CNTN5: variants seen among roughly 807,000 people sequenced by gnomAD.
CNTN5 encodes the protein contactin-5.
CNTN5 carries 77 observed loss-of-function variants against 129.1 expected under a neutral mutation model. The ratio of observed to expected loss-of-function variants is 0.60; its 90% confidence interval spans 0.50 to 0.72. The LOEUF (loss-of-function observed/expected upper bound fraction) is 0.72. Ranked by LOEUF, CNTN5 falls within the 30% of genes least tolerant of loss-of-function variation. The probability of loss-of-function intolerance (pLI) is 0.00; values close to 1 mark genes in which losing one functional copy is unlikely to be tolerated. For missense variants in CNTN5, 1,478 were observed against 1,328.8 expected (o/e 1.11, Z -1.75); for synonymous variants, 509 against 465.6 (o/e 1.09, Z -1.20).
chr11:99,544,430 A>C (rs567144938), intron 2 of CNTN5, among the ~76,000 whole-genome samples: 1 of 152,208 alleles, frequency 6.6e-6, no homozygotes, highest in African/African-American at 2.4e-5. Context: ...ACTATGTAGA[A>C]TGACTGCTTC....
intron 6 of CNTN5, among the ~76,000 whole-genome samples, chr11:99,913,449 GAA>G (rs59569457): frequency 1.3e-5 from 2 of 148,536 alleles, no homozygotes; most frequent in East Asian, 2.0e-4. Context: ...CTTCAAGAAA[GAA>G]AAAAAAAATC....
intron 2 of CNTN5, among the ~76,000 whole-genome samples, chr11:99,427,116 T>C (rs955427016): frequency 1.1e-4 from 16 of 152,268 alleles, no homozygotes; most frequent in African/African-American, 3.6e-4. Context: ...AGGGGTCCAT[T>C]TACATAACCT....
intron 23 of CNTN5, among the ~76,000 whole-genome samples, chr11:100,342,853 TG>T (rs1952197337): frequency 1.3e-5 from 2 of 152,166 alleles, no homozygotes; most frequent in South Asian, 4.1e-4. Context: ...AAAATATCAC[TG>T]GCCACTGATT....
intron 2 of CNTN5, among the ~76,000 whole-genome samples, chr11:99,545,033 AG>A (rs1388307126): frequency 6.6e-6 from 1 of 152,216 alleles, no homozygotes; most frequent in Non-Finnish European, 1.5e-5. Flanking sequence ...AAATTCCACC[AG>A]GGGATCTGCC....
intron 2 of CNTN5, among the ~76,000 whole-genome samples, chr11:99,462,402 T>A (rs1200040229): frequency 6.9e-6 from 1 of 145,224 alleles, no homozygotes; most frequent in Non-Finnish European, 1.5e-5. Context: ...CTCCACAAGT[T>A]GGCAAAAATT....
At chr11:99,772,408 T>G (rs1401775392) in intron 3 of CNTN5, among the ~76,000 whole-genome samples, 2 of 152,148 alleles carry the variant, frequency 1.3e-5, no homozygotes, top group Non-Finnish European at 2.9e-5. Context: ...GAATTACTTC[T>G]GTGAACATTT....
intron 3 of CNTN5, among the ~76,000 whole-genome samples, chr11:99,711,230 AT>A (rs1213582249): frequency 1.3e-5 from 2 of 151,908 alleles, no homozygotes; most frequent in African/African-American, 4.8e-5. Flanking sequence ...ATAGAGATAG[AT>A]GATATTTATA....
At chr11:99,195,323 C>T (rs968609970) in intron 1 of CNTN5, among the ~76,000 whole-genome samples, 5 of 152,060 alleles carry the variant, frequency 3.3e-5, no homozygotes, top group African/African-American at 1.2e-4. Flanking sequence ...TTTGTACTAA[C>T]ATTTACCTAT....
At chr11:100,019,396 T>C (rs116237861) in intron 9 of CNTN5, among the ~76,000 whole-genome samples, 2,730 of 152,096 alleles carry the variant, frequency 0.018, 38 homozygotes, top group African/African-American at 0.032. Context: ...TCTCCACTTA[T>C]ATGAGTTTGA....
At chr11:99,874,139 CCAA>C (rs1948575044) in intron 6 of CNTN5, among the ~76,000 whole-genome samples, 1 of 152,052 alleles carries the variant, frequency 6.6e-6, no homozygotes, top group Non-Finnish European at 1.5e-5. Flanking sequence ...CACTAGAAGC[CCAA>C]TACCTACCAT....
intron 2 of CNTN5, among the ~76,000 whole-genome samples, chr11:99,500,307 T>A (rs1946380687): frequency 6.6e-6 from 1 of 152,202 alleles, no homozygotes; most frequent in South Asian, 2.1e-4. Context: ...ACCTCTCTTT[T>A]AAGGCACTCA....
rs549960853 is a variant in CNTN5, at chr11:99,232,448, T to C, written c.-209-92898T>C. On this transcript the variant is annotated intron_variant, in intron 1 of 24. Transcript: ENST00000524871. ...GGAATTCATTCATGATTTGCCTCTCTGCTTACCTGTTGTTGGTGTATAGGA... is the reference window on the plus strand; with the variant it reads ...GGAATTCATTCATGATTTGCCTCTCCGCTTACCTGTTGTTGGTGTATAGGA... Among the ~76,000 whole-genome samples, 14 of 152,332 alleles carry C rather than the reference T, an allele frequency of 9.2e-5. No homozygotes were observed. The East Asian group carries it at 2.7e-3, about 29-fold the overall frequency.
At chr11:99,708,196 G>C (rs1033329266) in intron 3 of CNTN5, among the ~76,000 whole-genome samples, 2 of 151,628 alleles carry the variant, frequency 1.3e-5, no homozygotes, top group Non-Finnish European at 3.0e-5. Context: ...GGGAAATACA[G>C]GGAAAATATT....
intron 2 of CNTN5, among the ~76,000 whole-genome samples, chr11:99,511,708 T>A (rs536540552): frequency 8.2e-4 from 125 of 152,164 alleles, no homozygotes; most frequent in African/African-American, 2.9e-3. Flanking sequence ...CAGGACTTGC[T>A]TTATGAATCT....
chr11:100,239,156 T>C (rs2138675095), intron 16 of CNTN5, among the ~76,000 whole-genome samples: 1 of 152,358 alleles, frequency 6.6e-6, no homozygotes, highest in East Asian at 1.9e-4. Context: ...TATTCCATTG[T>C]GTTGACATCC....
At chr11:100,104,537 C>T (rs1945351222) in intron 13 of CNTN5, among the ~76,000 whole-genome samples, 1 of 152,090 alleles carries the variant, frequency 6.6e-6, no homozygotes, top group Non-Finnish European at 1.5e-5. Context: ...CTGCATATAT[C>T]ATCAAATTTA....
At chr11:100,253,173 T>A (rs533281130) in intron 16 of CNTN5, among the ~76,000 whole-genome samples, 2 of 152,300 alleles carry the variant, frequency 1.3e-5, no homozygotes, top group East Asian at 3.9e-4. Context: ...TTTCTCTTTC[T>A]TTCTTCAGTT....
At chr11:99,992,809 C>T (rs1412628282) in intron 8 of CNTN5, among the ~76,000 whole-genome samples, 3 of 152,140 alleles carry the variant, frequency 2.0e-5, no homozygotes, top group Non-Finnish European at 4.4e-5. Flanking sequence ...GAGTAATGTG[C>T]TTTCAGCTGG....
At chr11:100,111,077 G>C (rs1945644188) in intron 13 of CNTN5, among the ~76,000 whole-genome samples, 1 of 151,874 alleles carries the variant, frequency 6.6e-6, no homozygotes, top group South Asian at 2.1e-4. Context: ...TGTTTATATA[G>C]GTTTACCAAG....
Sources: allele counts gnomAD v4.1 joint callset (sites outside exome capture counted in the v4.1 genomes callset), GRCh38; gene constraint gnomAD v4.1.1; transcripts MANE v1.5; gene names NCBI Gene and HGNC (gene_info 2026-07-23, HGNC 2026-07-21).